NWD2: variants seen among roughly 807,000 people sequenced by gnomAD.
NWD2 encodes NACHT and WD repeat domain containing 2.
A neutral mutation model predicts 132.7 loss-of-function variants in NWD2; 37 were observed. The ratio of observed to expected loss-of-function variants is 0.28; its 90% confidence interval spans 0.21 to 0.37. NWD2 has a LOEUF of 0.37. NWD2 is among the 10% of genes least tolerant of loss of function. NWD2 has a pLI of 1.00. For missense variants in NWD2, 1,592 were observed against 2,122.4 expected (o/e 0.75, Z 4.91); for synonymous variants, 705 against 803.0 (o/e 0.88, Z 2.06).
chr4:37,369,578 G>A (rs1433432651), intron 3 of NWD2, among the ~76,000 whole-genome samples: 1 of 152,146 alleles, frequency 6.6e-6, no homozygotes, highest in East Asian at 1.9e-4. Context: ...TAAAGAACAA[G>A]TTGAATCATA....
chr4:37,422,397 CT>C (rs1050851782), intron 3 of NWD2, among the ~76,000 whole-genome samples: 59 of 152,276 alleles, frequency 3.9e-4, no homozygotes, highest in African/African-American at 1.3e-3. Context: ...TTCTCCACCC[CT>C]GGAACATTGA....
chr4:37,345,997 G>T (rs959442333), intron 2 of NWD2, among the ~76,000 whole-genome samples: 2 of 151,034 alleles, frequency 1.3e-5, no homozygotes, highest in African/African-American at 4.9e-5. Flanking sequence ...AGGGAGAATC[G>T]CTTGAACCTG....
Position 37,443,833 on chromosome 4 carries a change from G to A in NWD2, c.1845G>A (p.Leu615=). ...SKCTLPMFVN[L]TFREVRHWRS... ...GCACACTGCCAATGTTTGTGAACCT[G>A]ACCTTCAGGGAGGTGAGGCACTGGA... Residue 615 remains leucine (L), a synonymous_variant, in exon 7 of 7, where the codon CTG becomes CTA. Transcript: ENST00000309447. The surrounding 1 kb of genome is among the most constrained non-coding windows in gnomAD (Gnocchi z 4.1). 6.4e-7 allele frequency: 1 copy of A among 1,552,180 alleles called. No homozygotes were observed. Among genetic ancestry groups the A allele is most frequent in the Non-Finnish European group, 8.7e-7 (1 of 1,147,104 alleles).
In NWD2 at chr4:37,297,959, G is replaced by A. The variant is rs78883421; in HGVS notation, c.152-27977G>A. The stretch of plus-strand genomic sequence containing the variant: ...TTGATGTTCCAGCTAGAGACCCCCA[G>A]GAACACCCCTAGGTTGAACAAAGAT... On this transcript the variant is annotated intron_variant, in intron 1 of 6. Coordinates refer to ENST00000309447, the MANE Select transcript of NWD2 (RefSeq NM_001144990.2). 8.3e-3 allele frequency among the ~76,000 whole-genome samples: 1,268 copies of A among 152,106 alleles called. 52 individuals carry two copies. The East Asian group carries it at 0.13, about 15-fold the overall frequency.
intron 1 of NWD2, among the ~76,000 whole-genome samples, chr4:37,254,891 A>C (rs1865537): frequency 0.43 from 66,087 of 152,030 alleles, 14,693 homozygotes; most frequent in East Asian, 0.49. Context: ...TGTCAGGTGT[A>C]TTATTCCTAG....
At chr4:37,307,974 A>G (rs979118008) in intron 1 of NWD2, among the ~76,000 whole-genome samples, 1 of 152,028 alleles carries the variant, frequency 6.6e-6, no homozygotes, top group Non-Finnish European at 1.5e-5. Flanking sequence ...ATATCTATGT[A>G]TTAAATTTCT....
intron 1 of NWD2, among the ~76,000 whole-genome samples, chr4:37,263,481 T>C (rs1310009490): frequency 6.6e-6 from 1 of 152,194 alleles, no homozygotes; most frequent in African/African-American, 2.4e-5. Context: ...TCTGCCACTT[T>C]GTAGCAGGGT....
At chr4:37,412,027 C>T (rs1721169578) in intron 3 of NWD2, among the ~76,000 whole-genome samples, 1 of 152,188 alleles carries the variant, frequency 6.6e-6, no homozygotes, top group Non-Finnish European at 1.5e-5. Flanking sequence ...CAGCCAATAT[C>T]ATACTGAATG....
intron 3 of NWD2, among the ~76,000 whole-genome samples, chr4:37,423,079 G>C (rs1298350205): frequency 6.6e-6 from 1 of 151,970 alleles, no homozygotes; most frequent in African/African-American, 2.4e-5. Flanking sequence ...GAATGTTTTG[G>C]AATGAAAATA....
intron 3 of NWD2, among the ~76,000 whole-genome samples, chr4:37,380,957 G>A (rs1224422252): frequency 6.6e-6 from 1 of 152,172 alleles, no homozygotes; most frequent in East Asian, 1.9e-4. Flanking sequence ...CCAGTTGAAA[G>A]GTGGTTGCAG....
At chr4:37,251,004 G>A (rs1311562099) in intron 1 of NWD2, among the ~76,000 whole-genome samples, 1 of 152,246 alleles carries the variant, frequency 6.6e-6, no homozygotes, top group Non-Finnish European at 1.5e-5. Flanking sequence ...GCTGGATGCA[G>A]TGGCTCACGC....
In NWD2 at chr4:37,444,313, C is replaced by T; in HGVS notation, c.2325C>T (p.Phe775=). 1.3e-6 allele frequency: 2 copies of T among 1,551,774 alleles called. No individual in the cohort carries two copies. Among genetic ancestry groups the T allele is most frequent in the Non-Finnish European group, 1.7e-6 (2 of 1,146,982 alleles). The change falls in exon 7 of 7, where the codon TTC becomes TTT. Residue 775 remains phenylalanine, a synonymous_variant. Transcript: ENST00000309447. The surrounding 1 kb of genome is among the most constrained non-coding windows in gnomAD (Gnocchi z 4.8). ...GVWSGGRRKA[F]CLEDPYLNGC... ...GGTCAGGGGGCAGGAGGAAAGCCTT[C>T]TGCCTTGAGGACCCCTACTTGAATG...
chr4:37,391,316 C>T (rs1447795840), intron 3 of NWD2, among the ~76,000 whole-genome samples: 1 of 152,188 alleles, frequency 6.6e-6, no homozygotes, highest in African/African-American at 2.4e-5. Context: ...AGGACATGAA[C>T]AGATCAGCCA....
At chr4:37,436,012 T>C (rs1358654492) in intron 5 of NWD2, among the ~76,000 whole-genome samples, 1 of 152,086 alleles carries the variant, frequency 6.6e-6, no homozygotes, top group Non-Finnish European at 1.5e-5. Context: ...TGAATGTAAT[T>C]TTTCACACTT....
intron 2 of NWD2, among the ~76,000 whole-genome samples, chr4:37,353,111 A>C (rs1719802563): frequency 6.6e-6 from 1 of 152,080 alleles, no homozygotes; most frequent in South Asian, 2.1e-4. Flanking sequence ...CTTTCTTATG[A>C]AGGTTAGTTT....
In NWD2 at chr4:37,444,855, A is replaced by T. The variant is rs199816770; in HGVS notation, c.2867A>T (p.Tyr956Phe). ...CTGCATTCATCCATGGATGTGACATACAGCCCAGAGCGTCTTCCCTTATCA... is the reference window on the plus strand; with the variant it reads ...CTGCATTCATCCATGGATGTGACATTCAGCCCAGAGCGTCTTCCCTTATCA... ...VPLHSSMDVTYSPERLPLSSS... is the reference protein window; with the variant it reads ...VPLHSSMDVTFSPERLPLSSS... The change falls in exon 7 of 7, where the codon TAC becomes TTC. Residue 956 changes from tyrosine to phenylalanine, a missense_variant. This residue lies in a region of NWD2 where 1,071 missense variants were observed against 1,398.0 expected (regional missense o/e 0.77). Transcript: ENST00000309447. This position sits in a 1 kb window ranked among gnomAD's most constrained non-coding sequence, Gnocchi z 4.8. 102 of 1,552,128 alleles carry T rather than the reference A, an allele frequency of 6.6e-5. No homozygotes were observed. The highest frequency in any genetic ancestry group is 8.7e-5 in the Non-Finnish European group (100 of 1,147,128).
At chr4:37,434,156 C>T in intron 5 of NWD2, 136 bp downstream of exon 5, 1 of 541,154 alleles carries the variant, frequency 1.8e-6, no homozygotes, top group Non-Finnish European at 3.2e-6. Context: ...TTCCCATGTT[C>T]TGGAGAAGCA....
chr4:37,330,068 A>G (rs1187902340), intron 2 of NWD2, among the ~76,000 whole-genome samples: 1 of 152,234 alleles, frequency 6.6e-6, no homozygotes, highest in Non-Finnish European at 1.5e-5. Context: ...TAGAATATCA[A>G]TTAAATTAAT....
At chr4:37,344,022 C>G (rs1719582590) in intron 2 of NWD2, among the ~76,000 whole-genome samples, 1 of 152,130 alleles carries the variant, frequency 6.6e-6, no homozygotes, top group Admixed American at 6.6e-5. Context: ...TATCAAATTA[C>G]TTTCCTAAGG....
Sources: allele counts gnomAD v4.1 joint callset (sites outside exome capture counted in the v4.1 genomes callset), GRCh38; gene constraint gnomAD v4.1.1; regional missense constraint gnomAD v4.1.1; non-coding constraint Gnocchi (gnomAD v3.1); transcripts MANE v1.5; gene names NCBI Gene and HGNC (gene_info 2026-07-23, HGNC 2026-07-21).